UGGT1: variants seen among roughly 807,000 people sequenced by gnomAD.
UGGT1 encodes UDP-glucose glycoprotein glucosyltransferase 1.
A neutral mutation model predicts 203.9 loss-of-function variants in UGGT1; 107 were observed. That is an observed-to-expected ratio of 0.52 (90% CI 0.45 to 0.62). The LOEUF is 0.62. Ranked by LOEUF, UGGT1 falls within the 20% of genes least tolerant of loss-of-function variation. UGGT1 has a pLI of 0.00. For missense variants in UGGT1, 1,673 were observed against 1,867.2 expected (o/e 0.90, Z 1.92); for synonymous variants, 628 against 653.5 (o/e 0.96, Z 0.59).
intron 18 of UGGT1, among the ~76,000 whole-genome samples, chr2:128,148,918 G>A (rs1372424484): frequency 6.6e-6 from 1 of 152,158 alleles, no homozygotes; most frequent in Non-Finnish European, 1.5e-5. Context: ...CAAATAAAGA[G>A]AACCCCTGAG....
chr2:128,175,719 C>T (rs1691336018), intron 31 of UGGT1, among the ~76,000 whole-genome samples: 1 of 152,214 alleles, frequency 6.6e-6, no homozygotes, highest in South Asian at 2.1e-4. Flanking sequence ...CGAACTCCTT[C>T]CCTTTTGGAT....
intron 35 of UGGT1, 85 bp downstream of exon 35, chr2:128,179,955 C>A: frequency 7.8e-7 from 1 of 1,285,396 alleles, no homozygotes; most frequent in African/African-American, 1.5e-5. Flanking sequence ...TATCTGTATA[C>A]TTTAGCAAAT....
At chr2:128,110,268 G>A (rs1417296650) in intron 5 of UGGT1, among the ~76,000 whole-genome samples, 4 of 152,054 alleles carry the variant, frequency 2.6e-5, no homozygotes, top group South Asian at 2.1e-4. Context: ...TTTGCTGACT[G>A]GCTAGGGCAG....
At chr2:128,133,084 C>G in intron 13 of UGGT1, 57 bp from the exon 14 acceptor site, 2 of 1,583,284 alleles carry the variant, frequency 1.3e-6, no homozygotes, top group Non-Finnish European at 1.7e-6. Context: ...GATATTATTG[C>G]AGGTTTTACT....
intron 13 of UGGT1, among the ~76,000 whole-genome samples, chr2:128,132,760 G>T (rs1360858334): frequency 3.3e-5 from 5 of 151,910 alleles, no homozygotes; most frequent in Non-Finnish European, 5.9e-5. Flanking sequence ...GTTCAGGCTG[G>T]AGTGCAGTGG....
At chr2:128,176,101 A>T (rs1032208394) in intron 31 of UGGT1, among the ~76,000 whole-genome samples, 16 of 152,128 alleles carry the variant, frequency 1.1e-4, no homozygotes, top group African/African-American at 3.9e-4. Flanking sequence ...TTCCTTTACA[A>T]CACTATTCCA....
chr2:128,096,910 A>C (rs1044573134), intron 1 of UGGT1, among the ~76,000 whole-genome samples: 1 of 152,226 alleles, frequency 6.6e-6, no homozygotes, highest in Non-Finnish European at 1.5e-5. Context: ...AGAATGTAAT[A>C]ACCTAAGTGC....
In UGGT1 at chr2:128,187,431, G is replaced by A. The variant is rs753390411; in HGVS notation, c.4477-18G>A. ...CCTTTCTTCAACTCAGCTGAAGTGT[G>A]TTCTTTTGGTTTCACAGTGTAATAA... On this transcript the variant is annotated intron_variant, in intron 39 of 40. Coordinates refer to ENST00000259253, the MANE Select transcript of UGGT1 (RefSeq NM_020120.4). 1 of 1,609,796 alleles carries A rather than the reference G, an allele frequency of 6.2e-7. No homozygotes were observed. The highest frequency in any genetic ancestry group is 8.5e-7 in the Non-Finnish European group (1 of 1,176,938).
chr2:128,177,462 A>G (rs1229902335), intron 32 of UGGT1, among the ~76,000 whole-genome samples: 1 of 151,666 alleles, frequency 6.6e-6, no homozygotes, highest in Non-Finnish European at 1.5e-5. Flanking sequence ...AACATGAAAT[A>G]CCTCCCTCCC....
At position 128,129,039 on chromosome 2, in the gene UGGT1, G is replaced by T; in HGVS notation, c.1237G>T (p.Val413Leu). ...TGTTTTTCCCCCCAGTCTGTTTGATGTGTTGAGGAATGAAGCTCGGGTAAT... is the reference window on the plus strand; with the variant it reads ...TGTTTTTCCCCCCAGTCTGTTTGATTTGTTGAGGAATGAAGCTCGGGTAAT... ...DTQDIFSLFD[V>L]LRNEARVMEG... The change falls in exon 13 of 41, where the codon GTG (valine) becomes TTG (leucine). Residue 413 changes from valine to leucine, a missense_variant. Val to Leu is a conservative substitution (Grantham distance 32). Transcript: ENST00000259253. The T allele has an allele frequency of 1.3e-6, 2 of 1,594,376 alleles. No homozygotes were observed. Among genetic ancestry groups the T allele is most frequent in the South Asian group, 1.1e-5 (1 of 87,064 alleles).
At chr2:128,150,512 C>T (rs1689896424) in intron 18 of UGGT1, among the ~76,000 whole-genome samples, 1 of 152,094 alleles carries the variant, frequency 6.6e-6, no homozygotes, top group Admixed American at 6.6e-5. Context: ...TTTAGCCATA[C>T]ACCCCTGTGC....
chr2:128,118,298 C>A (rs1339835504), intron 8 of UGGT1, among the ~76,000 whole-genome samples: 1 of 152,154 alleles, frequency 6.6e-6, no homozygotes, highest in Non-Finnish European at 1.5e-5. Context: ...CAGGGCTTTG[C>A]TCTGTCACTC....
At chr2:128,093,916 A>T (rs1573479355) in intron 1 of UGGT1, among the ~76,000 whole-genome samples, 2 of 152,158 alleles carry the variant, frequency 1.3e-5, no homozygotes, top group East Asian at 3.8e-4. Context: ...CCCCTCAGAG[A>T]ACGTTAGTGC....
intron 6 of UGGT1, among the ~76,000 whole-genome samples, chr2:128,114,139 A>G (rs1476512531): frequency 1.3e-5 from 2 of 152,136 alleles, no homozygotes; most frequent in Admixed American, 1.3e-4. Context: ...TATTTTTGAG[A>G]CAGAGTCTCG....
intron 18 of UGGT1, among the ~76,000 whole-genome samples, chr2:128,149,923 T>C (rs745519885): frequency 8.5e-5 from 13 of 152,114 alleles, no homozygotes; most frequent in Non-Finnish European, 1.8e-4. Context: ...GATCGTGACA[T>C]TGCACTCCAG....
At chr2:128,163,373 GTT>G (rs5834199) in intron 25 of UGGT1, among the ~76,000 whole-genome samples, 150 of 114,148 alleles carry the variant, frequency 1.3e-3, no homozygotes, top group East Asian at 3.4e-3. Context: ...AAATTGGAGT[GTT>G]TTTTTTTTTT....
intron 17 of UGGT1, chr2:128,145,515 C>G (rs1345282736): frequency 8.8e-6 from 2 of 227,350 alleles, no homozygotes; most frequent in Admixed American, 7.2e-5. Flanking sequence ...CACACACACA[C>G]ACACACACAT....
At chr2:128,120,818 T>A (rs948759916) in intron 9 of UGGT1, among the ~76,000 whole-genome samples, 4 of 152,256 alleles carry the variant, frequency 2.6e-5, no homozygotes, top group African/African-American at 9.6e-5. Context: ...TGTTTTTCTC[T>A]GTTCCAAAGA....
chr2:128,128,592 A>G (rs530019733), intron 12 of UGGT1, among the ~76,000 whole-genome samples: 62 of 152,252 alleles, frequency 4.1e-4, no homozygotes, highest in Middle Eastern at 3.4e-3. Flanking sequence ...GATTACAGGC[A>G]TGAGCCACCG....
Sources: gnomAD v4.1 joint callset for allele counts (sites outside exome capture counted in the v4.1 genomes callset) on GRCh38, gnomAD v4.1.1 for gene constraint, MANE v1.5 for transcripts, NCBI Gene and HGNC (gene_info 2026-07-23, HGNC 2026-07-21) for gene names.